The following THSD4 variants were observed in gnomAD, a reference collection of about 807,000 sequenced individuals.
THSD4 encodes thrombospondin type-1 domain-containing protein 4.
In THSD4, 69 loss-of-function variants were observed where a neutral mutation model predicts 119.0. The observed-to-expected ratio is 0.58, with a 90% CI of 0.48 to 0.71. THSD4 has a LOEUF of 0.71. THSD4 is among the 30% of genes least tolerant of loss of function. The pLI is 0.00. For synonymous variants in THSD4, 524 were observed against 540.4 expected, an observed-to-expected ratio of 0.97 and a Z score of 0.42; for missense variants, 1,393 against 1,391.1, an observed-to-expected ratio of 1.00 and a Z score of -0.02.
At chr15:71,199,544 T>C (rs369004637) in intron 3 of THSD4, among the ~76,000 whole-genome samples, 2,236 of 128,732 alleles carry the variant, frequency 0.017, 75 homozygotes, top group African/African-American at 0.07. Context: ...GGTGTGTGTA[T>C]GTGTGGTGTG....
intron 2 of THSD4, among the ~76,000 whole-genome samples, chr15:71,148,372 C>T (rs536922536): frequency 2.6e-4 from 40 of 152,284 alleles, no homozygotes; most frequent in Admixed American, 1.2e-3. Flanking sequence ...GTTCTCAAGC[C>T]GAAGGCTGCT....
intron 1 of THSD4, among the ~76,000 whole-genome samples, chr15:71,132,150 A>G (rs1290421277): frequency 6.6e-5 from 10 of 152,244 alleles, no homozygotes; most frequent in Non-Finnish European, 1.5e-5. Context: ...CTAGGTTGAT[A>G]CAATTGTTTT....
At chr15:71,487,229 T>C (rs545171556) in intron 7 of THSD4, among the ~76,000 whole-genome samples, 26 of 152,364 alleles carry the variant, frequency 1.7e-4, no homozygotes, top group African/African-American at 6.3e-4. Flanking sequence ...TTTGTGTACA[T>C]GTGTATTCTA....
chr15:71,703,836 T>C (rs2052340644), intron 8 of THSD4, among the ~76,000 whole-genome samples: 1 of 152,048 alleles, frequency 6.6e-6, no homozygotes, highest in Non-Finnish European at 1.5e-5. Context: ...TCTACAAAGA[T>C]TGGGGTTTTT....
At chr15:71,310,597 T>A (rs749753443) in intron 6 of THSD4, among the ~76,000 whole-genome samples, 1 of 152,184 alleles carries the variant, frequency 6.6e-6, no homozygotes, top group Non-Finnish European at 1.5e-5. Context: ...CTTCTTGGCC[T>A]CTCTAAGCTT....
At chr15:71,642,335 C>A (rs1284119220) in intron 7 of THSD4, among the ~76,000 whole-genome samples, 2 of 152,142 alleles carry the variant, frequency 1.3e-5, no homozygotes, top group Non-Finnish European at 2.9e-5. Flanking sequence ...AATAGGAACA[C>A]TTTTACACTG....
chr15:71,395,086 T>C (rs16955550), intron 6 of THSD4, among the ~76,000 whole-genome samples: 8,245 of 152,226 alleles, frequency 0.054, 502 homozygotes, highest in African/African-American at 0.15. Flanking sequence ...AGGAGAACCA[T>C]TGAGTAGTTA....
chr15:71,456,144 G>T (rs942206581), intron 7 of THSD4, among the ~76,000 whole-genome samples: 3 of 152,166 alleles, frequency 2.0e-5, no homozygotes, highest in African/African-American at 7.2e-5. Context: ...TTTTCCTCTT[G>T]TGGTTTACTT....
chr15:71,601,784 C>T (rs2050015592), intron 7 of THSD4, among the ~76,000 whole-genome samples: 2 of 152,218 alleles, frequency 1.3e-5, no homozygotes, highest in African/African-American at 4.8e-5. Context: ...CTGAAAATAT[C>T]ATAGCACTCT....
At chr15:71,168,027 C>T (rs1374176731) in intron 3 of THSD4, among the ~76,000 whole-genome samples, 2 of 152,180 alleles carry the variant, frequency 1.3e-5, no homozygotes, top group Non-Finnish European at 2.9e-5. Flanking sequence ...GATGTTTCTG[C>T]CCAGAAGTCG....
At chr15:71,499,991 A>G (rs566637421) in intron 7 of THSD4, among the ~76,000 whole-genome samples, 1 of 152,284 alleles carries the variant, frequency 6.6e-6, no homozygotes, top group African/African-American at 2.4e-5. Flanking sequence ...TCTTTTGGAT[A>G]GATACCCAGA....
chr15:71,169,393 T>C (rs2043330158), intron 3 of THSD4, among the ~76,000 whole-genome samples: 1 of 152,224 alleles, frequency 6.6e-6, no homozygotes, highest in African/African-American at 2.4e-5. Context: ...ACATTGCCCA[T>C]GCTATGATCT....
chr15:71,430,770 A>AC (rs1251893443), intron 7 of THSD4, among the ~76,000 whole-genome samples: 1 of 144,512 alleles, frequency 6.9e-6, no homozygotes, highest in Non-Finnish European at 1.5e-5. Context: ...AAAAAAAAAA[A>AC]AAAAAAAAAA....
intron 7 of THSD4, among the ~76,000 whole-genome samples, chr15:71,616,049 T>G (rs929675560): frequency 1.4e-4 from 22 of 152,132 alleles, no homozygotes; most frequent in Admixed American, 5.2e-4. Flanking sequence ...ACAGTACAAA[T>G]GTGCCAATTG....
At chr15:71,126,304 A>G (rs983758067) in intron 1 of THSD4, among the ~76,000 whole-genome samples, 1 of 152,110 alleles carries the variant, frequency 6.6e-6, no homozygotes, top group Non-Finnish European at 1.5e-5. Flanking sequence ...AGCCAGGGAC[A>G]TGTCATTGGG....
chr15:71,578,050 TC>T (rs2049487507), intron 7 of THSD4, among the ~76,000 whole-genome samples: 2 of 151,688 alleles, frequency 1.3e-5, no homozygotes, highest in Admixed American at 1.3e-4. Context: ...ACTGCTCCCT[TC>T]CCCTACCTGG....
intron 12 of THSD4, 42 bp downstream of exon 12, chr15:71,745,277 C>T (rs1281370037): frequency 6.2e-7 from 1 of 1,608,306 alleles, no homozygotes; most frequent in African/African-American, 1.3e-5. Flanking sequence ...TACCGGGTCA[C>T]TTCAGGTCAC....
At chr15:71,487,870 T>C (rs1467020028) in intron 7 of THSD4, among the ~76,000 whole-genome samples, 2 of 152,176 alleles carry the variant, frequency 1.3e-5, no homozygotes, top group Non-Finnish European at 2.9e-5. Flanking sequence ...TTTTATATAC[T>C]TTATCTTCAT....
intron 1 of THSD4, among the ~76,000 whole-genome samples, chr15:71,120,634 C>A (rs2040401423): frequency 6.6e-6 from 1 of 152,372 alleles, no homozygotes; most frequent in East Asian, 1.9e-4. Flanking sequence ...AGGACAAAAG[C>A]ACGGAGTGAT....
Sources: gnomAD v4.1 joint callset for allele counts (sites outside exome capture counted in the v4.1 genomes callset) on GRCh38, gnomAD v4.1.1 for gene constraint, MANE v1.5 for transcripts, NCBI Gene and HGNC (gene_info 2026-07-23, HGNC 2026-07-21) for gene names.